The following NUP160 variants were observed in gnomAD, a reference collection of about 807,000 sequenced individuals.
The protein encoded by NUP160 is nucleoporin 160, also known as nuclear pore complex protein Nup160.
In NUP160, 94 loss-of-function variants were observed where a neutral mutation model predicts 196.9. That is an observed-to-expected ratio of 0.48 (90% confidence interval 0.40 to 0.57). NUP160 has a LOEUF of 0.57. Ranked by LOEUF, NUP160 falls within the 20% of genes least tolerant of loss-of-function variation. The pLI is 0.00. For missense variants in NUP160, 1,638 were observed against 1,748.3 expected (o/e 0.94, Z 1.13); for synonymous variants, 605 against 619.7 (o/e 0.98, Z 0.35).
At chr11:47,810,391 G>A (rs533208402) in intron 17 of NUP160, among the ~76,000 whole-genome samples, 1 of 151,790 alleles carries the variant, frequency 6.6e-6, no homozygotes, top group South Asian at 2.1e-4. Flanking sequence ...TAGAGATGAG[G>A]GTTTGCCCAG....
intron 5 of NUP160, among the ~76,000 whole-genome samples, 181 bp from the exon 6 acceptor site, chr11:47,837,182 A>C (rs1289545562): frequency 6.6e-6 from 1 of 152,226 alleles, no homozygotes; most frequent in Non-Finnish European, 1.5e-5. Context: ...ACTATAATAA[A>C]ATTTAAAAGG....
chr11:47,847,543 T>C (rs146808795), intron 2 of NUP160, among the ~76,000 whole-genome samples: 3 of 149,240 alleles, frequency 2.0e-5, no homozygotes, highest in East Asian at 2.0e-4. Flanking sequence ...TAAAGCACTA[T>C]AAAAACATAA....
At chr11:47,832,577 T>C (rs990940123) in intron 7 of NUP160, among the ~76,000 whole-genome samples, 4 of 152,214 alleles carry the variant, frequency 2.6e-5, no homozygotes, top group African/African-American at 7.2e-5. Context: ...ACTCAGCGCA[T>C]AGGATGGTTT....
intron 9 of NUP160, 110 bp from the exon 10 acceptor site, chr11:47,819,568 A>G: frequency 1.7e-6 from 1 of 604,862 alleles, no homozygotes; most frequent in East Asian, 2.9e-5. Context: ...CCCGGCAATG[A>G]CTGCTTCATC....
At chr11:47,826,738 T>G (rs139752120) in intron 7 of NUP160, among the ~76,000 whole-genome samples, 54 of 152,236 alleles carry the variant, frequency 3.5e-4, no homozygotes, top group African/African-American at 1.2e-3. Flanking sequence ...AATTTTTGTA[T>G]TTTTAGTACA....
chr11:47,806,848 C>T (rs1301517271), intron 19 of NUP160, among the ~76,000 whole-genome samples: 61 of 115,294 alleles, frequency 5.3e-4, no homozygotes, highest in Middle Eastern at 4.7e-3. Flanking sequence ...CACACACACA[C>T]ACACATATAT....
rs192490720 is a variant in NUP160, at chr11:47,836,571, C to G, written c.942+316G>C. 1.7e-3 allele frequency among the ~76,000 whole-genome samples: 266 copies of G among 152,012 alleles called. 4 individuals carry two copies. Among genetic ancestry groups the G allele is most frequent in the Non-Finnish European group, 1.1e-3 (72 of 67,964 alleles). On this transcript the variant is annotated intron_variant, in intron 6 of 35. Transcript: ENST00000378460. ...GAGGCTGCAGTGAGCTATATTCATG[C>G]CACTGTACTCCAGCCTGGGTGACAA...
intron 34 of NUP160, among the ~76,000 whole-genome samples, chr11:47,782,723 A>T (rs529917282): frequency 8.0e-4 from 122 of 152,034 alleles, no homozygotes; most frequent in Non-Finnish European, 1.3e-3. Context: ...CAGTGGCATG[A>T]TCTCGGCTCA....
At chr11:47,848,448 C>G in exon 1 of NUP160, 3 of 1,493,498 alleles carry the variant, frequency 2.0e-6, no homozygotes, top group Non-Finnish European at 2.7e-6. Flanking sequence ...GGCTCCGGCC[C>G]TTCGTTGCGA....
chr11:47,796,548 G>A (rs1258923820), intron 27 of NUP160, among the ~76,000 whole-genome samples: 1 of 152,052 alleles, frequency 6.6e-6, no homozygotes, highest in African/African-American at 2.4e-5. Flanking sequence ...GGAGGGAAGA[G>A]GAGATAAGAA....
chr11:47,796,752 T>C (rs993379809), intron 27 of NUP160, among the ~76,000 whole-genome samples: 2 of 152,246 alleles, frequency 1.3e-5, no homozygotes, highest in South Asian at 4.1e-4. Context: ...GGTCTCGCTC[T>C]GTCACCTAGG....
intron 28 of NUP160, 93 bp downstream of exon 28, chr11:47,792,693 C>A: frequency 8.4e-7 from 1 of 1,189,356 alleles, no homozygotes; most frequent in South Asian, 1.8e-5. Context: ...TCAAAAGAAG[C>A]AAAATGACAC....
At position 47,798,468 on chromosome 11, in the gene NUP160, C is replaced by A; in HGVS notation, c.2896-5G>T. 6.7e-7 allele frequency: 1 copy of A among 1,489,742 alleles called. No individual in the cohort carries two copies. Among genetic ancestry groups the A allele is most frequent in the South Asian group, 1.2e-5 (1 of 85,690 alleles). 92.3% of individuals were successfully genotyped at this position (1,489,742 alleles called of 1,614,324 possible). ...GACATCTAGTAGTCGTAAAACCTAA[C>A]GAGAAATAGAAGAAATTTCCATTAA... On this transcript the variant is annotated splice_polypyrimidine_tract_variant and splice_region_variant and intron_variant, in intron 23 of 35. Transcript: ENST00000378460.
chr11:47,815,426 A>T, intron 13 of NUP160, 53 bp downstream of exon 13: 1 of 1,393,254 alleles, frequency 7.2e-7, no homozygotes, highest in South Asian at 1.8e-5. Context: ...ATTTTGTTAT[A>T]ACAGCCACTG....
At chr11:47,816,180 T>C (rs1303364120) in intron 11 of NUP160, 151 bp from the exon 12 acceptor site, 1 of 546,410 alleles carries the variant, frequency 1.8e-6, no homozygotes, top group Non-Finnish European at 3.2e-6. Context: ...GTTAAGAAAC[T>C]GGGTGTATTT....
Position 47,827,949 on chromosome 11 carries a change from A to G in NUP160, c.1102-5785T>C, listed in dbSNP as rs930789244. Among the ~76,000 whole-genome samples, 5 of 152,336 alleles carry G rather than the reference A, an allele frequency of 3.3e-5. No homozygotes were observed. In the South Asian group the frequency reaches 1.0e-3, roughly 32 times the overall value. On this transcript the variant is annotated intron_variant, in intron 7 of 35. Transcript: ENST00000378460. ...ACAGTGAGGCAATCAGGAATACTGC[A>G]GCCTCAACCATCCAGGCTCAAGTGA...
chr11:47,818,448 A>G (rs1358096763), intron 10 of NUP160, among the ~76,000 whole-genome samples: 3 of 152,248 alleles, frequency 2.0e-5, no homozygotes, highest in Non-Finnish European at 2.9e-5. Flanking sequence ...TAAGAGAACA[A>G]GTAAACGAAG....
chr11:47,803,470 T>C (rs1448533883), exon 22 of NUP160: 5 of 1,611,518 alleles, frequency 3.1e-6, no homozygotes, highest in Non-Finnish European at 3.4e-6. Flanking sequence ...AGGTAACACC[T>C]TCCCAGCATA....
chr11:47,839,621 G>A, intron 4 of NUP160: 1 of 558,844 alleles, frequency 1.8e-6, no homozygotes. Context: ...AGAATAGGCT[G>A]TCTTATACTT....
Sources: gnomAD v4.1 joint callset for allele counts (sites outside exome capture counted in the v4.1 genomes callset) on GRCh38, gnomAD v4.1.1 for gene constraint, MANE v1.5 for transcripts, NCBI Gene and HGNC (gene_info 2026-07-23, HGNC 2026-07-21) for gene names.